DMTF1: variants seen among roughly 807,000 people sequenced by gnomAD.
DMTF1 encodes the protein cyclin D binding myb like transcription factor 1, also known as cyclin-D-binding Myb-like transcription factor 1.
In DMTF1, 39 loss-of-function variants were observed where a neutral mutation model predicts 91.1. The observed-to-expected ratio is 0.43, with a 90% CI of 0.33 to 0.56. DMTF1 has a LOEUF of 0.56. DMTF1 is among the 20% of genes least tolerant of loss of function. The pLI, the probability that DMTF1 is intolerant of heterozygous loss-of-function variation, is 0.05. For missense variants in DMTF1, 750 were observed against 914.5 expected (o/e 0.82, Z 2.32); for synonymous variants, 338 against 309.5 (o/e 1.09, Z -0.97).
At chr7:87,185,119 G>A (rs940222668) in intron 11 of DMTF1, 6 of 238,000 alleles carry the variant, frequency 2.5e-5, no homozygotes, top group Admixed American at 1.5e-4. Context: ...ATTCAAAAAA[G>A]CTTTAAGATA....
At position 87,195,116 on chromosome 7, in the gene DMTF1, C is replaced by G; in HGVS notation, c.2259C>G (p.Val753=). ...CTGTTTCAGAAGATTCAAAGGATGT[C>G]GAAGATTTGGTAAACTGTCATTAGA... ...GSPVSEDSKD[V]EDLVNCH Residue 753 remains valine, a synonymous_variant, in exon 18 of 18, where the codon GTC becomes GTG. Coordinates refer to ENST00000331242, the MANE Select transcript of DMTF1 (RefSeq NM_001142327.2). The G allele has an allele frequency of 1.2e-6, 2 of 1,610,804 alleles. No homozygotes were observed. The highest frequency in any genetic ancestry group is 2.2e-5 in the South Asian group (2 of 90,898).
At chr7:87,179,950 G>A (rs1796985062) in intron 8 of DMTF1, among the ~76,000 whole-genome samples, 1 of 152,100 alleles carries the variant, frequency 6.6e-6, no homozygotes, top group Non-Finnish European at 1.5e-5. Context: ...AGTCTGCTTT[G>A]TAGTAAAGTA....
Position 87,189,028 on chromosome 7 carries a change from T to C in DMTF1, c.1411+727T>C, listed in dbSNP as rs191442309. Among the ~76,000 whole-genome samples the C allele has an allele frequency of 1.7e-3, 263 of 152,264 alleles. 1 individual carries two copies. The highest frequency in any genetic ancestry group is 6.0e-3 in the African/African-American group (249 of 41,550). On this transcript the variant is annotated intron_variant, in intron 13 of 17. Coordinates refer to ENST00000331242, the MANE Select transcript of DMTF1 (RefSeq NM_001142327.2). ...TAACCCAAGAGTATTCCAATCACTA[T>C]GTTAGTCTCAACCAGGTGATTATTG... is the stretch of plus-strand genomic sequence containing the variant.
chr7:87,189,000 A>G (rs544092739), intron 13 of DMTF1, among the ~76,000 whole-genome samples: 18 of 152,194 alleles, frequency 1.2e-4, no homozygotes, highest in Non-Finnish European at 2.5e-4. Flanking sequence ...GCATTTGAAA[A>G]GATAACCCAA....
intron 4 of DMTF1, among the ~76,000 whole-genome samples, chr7:87,170,220 A>G (rs1343487922): frequency 1.3e-5 from 2 of 152,118 alleles, no homozygotes; most frequent in South Asian, 2.1e-4. Flanking sequence ...TACATTCACA[A>G]TTTGAACTAC....
chr7:87,184,793 G>T (rs1314719429), intron 11 of DMTF1, 168 bp downstream of exon 11: 18 of 724,334 alleles, frequency 2.5e-5, no homozygotes, highest in Non-Finnish European at 4.2e-5. Context: ...CTTTTTTTGT[G>T]TTGTGTTTGT....
At position 87,184,226 on chromosome 7, in the gene DMTF1, TAGTAAAATGAAA is replaced by T. The variant is rs1797955707; in HGVS notation, c.821-170_821-159del. On this transcript the variant is annotated intron_variant, in intron 10 of 17. Transcript: ENST00000331242. ...TTTTCTACTGAGACCCTTACTGGGC[TAGTAAAATGAAA>T]CTGTCTTAGTGGGTATATATGGTTT... Among the ~76,000 whole-genome samples, 3 of 152,368 alleles carry T rather than the reference TAGTAAAATGAAA, an allele frequency of 2.0e-5. No homozygotes were observed. In the South Asian group the frequency reaches 6.2e-4, roughly 32 times the overall value.
chr7:87,174,924 C>G (rs1795912386), intron 7 of DMTF1, among the ~76,000 whole-genome samples: 1 of 152,034 alleles, frequency 6.6e-6, no homozygotes, highest in African/African-American at 2.4e-5. Context: ...AGTAGCCTCT[C>G]AACATTTTAA....
At chr7:87,165,116 C>A in intron 3 of DMTF1, 66 bp downstream of exon 3, 4 of 1,170,038 alleles carry the variant, frequency 3.4e-6, no homozygotes, top group Non-Finnish European at 4.9e-6. Context: ...CACTTTTGAC[C>A]CCTATTGCCC....
chr7:87,176,794 A>G (rs1406114027), intron 7 of DMTF1, among the ~76,000 whole-genome samples: 1 of 152,192 alleles, frequency 6.6e-6, no homozygotes, highest in Non-Finnish European at 1.5e-5. Context: ...CATAGCTTTT[A>G]TTATGTGGTG....
intron 6 of DMTF1, 63 bp from the exon 7 acceptor site, chr7:87,174,530 T>G (rs1795830919): frequency 9.2e-7 from 1 of 1,085,932 alleles, no homozygotes; most frequent in Admixed American, 2.0e-5. Context: ...AAAGGAAATC[T>G]TTGGTGTTTT....
At chr7:87,185,788 A>T in intron 11 of DMTF1, 41 bp from the exon 12 acceptor site, 2 of 1,608,838 alleles carry the variant, frequency 1.2e-6, no homozygotes, top group Admixed American at 1.7e-5. Context: ...CTTATAGAGA[A>T]ATTAATTTAA....
intron 1 of DMTF1, among the ~76,000 whole-genome samples, chr7:87,156,947 TGTAAA>T (rs1790893237): frequency 2.0e-5 from 3 of 152,204 alleles, no homozygotes; most frequent in Admixed American, 2.0e-4. Context: ...TCATTCAAAA[TGTAAA>T]GTAGTAATGA....
At chr7:87,154,296 C>A (rs1421974184) in intron 1 of DMTF1, 2 of 152,408 alleles carry the variant, frequency 1.3e-5, no homozygotes, top group South Asian at 2.1e-4. Flanking sequence ...AAATACATTT[C>A]ATGATTGTGG....
At chr7:87,184,796 G>A in intron 11 of DMTF1, 171 bp downstream of exon 11, 1 of 725,274 alleles carries the variant, frequency 1.4e-6, no homozygotes, top group Non-Finnish European at 2.4e-6. Flanking sequence ...TTTTTGTGTT[G>A]TGTTTGTTCC....
Position 87,173,557 on chromosome 7 carries a change from A to T in DMTF1, c.350A>T (p.Asp117Val), listed in dbSNP as rs1418302255. Residue 117 changes from aspartate (D) to valine (V), a missense_variant, in exon 6 of 18, where the codon GAT (aspartate) becomes GTT (valine). Coordinates refer to ENST00000331242, the MANE Select transcript of DMTF1 (RefSeq NM_001142327.2). ...AAGATTTTGCAGAATGAGCAACTAGATGAAATATCTCCCTTGGGTAACGAG... is the reference window on the plus strand; with the variant it reads ...AAGATTTTGCAGAATGAGCAACTAGTTGAAATATCTCCCTTGGGTAACGAG... ...QIQILQNEQL[D>V]EISPLGNEEV... 1.2e-6 allele frequency: 2 copies of T among 1,607,358 alleles called. No individual in the cohort carries two copies. The highest frequency in any genetic ancestry group is 8.5e-7 in the Non-Finnish European group (1 of 1,176,656).
intron 5 of DMTF1, among the ~76,000 whole-genome samples, chr7:87,171,328 CA>C (rs1795028135): frequency 6.6e-6 from 1 of 152,010 alleles, no homozygotes; most frequent in African/African-American, 2.4e-5. Context: ...TTTTAGTGAA[CA>C]AAAAACTTTT....
chr7:87,182,426 C>T (rs113517745), intron 10 of DMTF1, 89 bp downstream of exon 10: 119 of 1,213,896 alleles, frequency 9.8e-5, no homozygotes, highest in Middle Eastern at 9.6e-4. Flanking sequence ...TCTTGGGGAG[C>T]GATTTAGATC....
At position 87,182,234 on chromosome 7, in the gene DMTF1, G is replaced by T; in HGVS notation, c.717G>T (p.Arg239=). 1 of 1,614,100 alleles carries T rather than the reference G, an allele frequency of 6.2e-7. No homozygotes were observed. Among genetic ancestry groups the T allele is most frequent in the South Asian group, 1.1e-5 (1 of 91,086 alleles). The part of the protein sequence containing the change: ...PEEIEKLKEL[R]IKHGNDWATI... ...TGGCAGACTCTTGTTTTAGGCTCCG[G>T]ATAAAGCATGGCAATGACTGGGCAA... Residue 239 remains arginine, a synonymous_variant, in exon 10 of 18, where the codon CGG becomes CGT. Transcript: ENST00000331242.
Sources: allele counts gnomAD v4.1 joint callset (sites outside exome capture counted in the v4.1 genomes callset), GRCh38; gene constraint gnomAD v4.1.1; transcripts MANE v1.5; gene names NCBI Gene and HGNC (gene_info 2026-07-23, HGNC 2026-07-21).